The following ASPSCR1 variants were observed in gnomAD, a reference collection of about 807,000 sequenced individuals.
ASPSCR1 encodes tether containing UBX domain for GLUT4.
ASPSCR1 carries 55 observed loss-of-function variants against 68.9 expected under a neutral mutation model. The observed-to-expected ratio is 0.80, with a 90% CI of 0.64 to 1.00. The LOEUF is 1.00. Ranked by LOEUF, ASPSCR1 falls within the 50% of genes least tolerant of loss-of-function variation. The pLI, the probability that ASPSCR1 is intolerant of heterozygous loss-of-function variation, is 0.00. For synonymous variants in ASPSCR1, 352 were observed against 332.6 expected, an observed-to-expected ratio of 1.06 and a Z score of -0.63; for missense variants, 765 against 762.2, an observed-to-expected ratio of 1.00 and a Z score of -0.04.
chr17:82,015,208 G>T (rs1400501657), intron 12 of ASPSCR1: 6 of 1,598,248 alleles, frequency 3.8e-6, no homozygotes, highest in Non-Finnish European at 4.2e-6. Context: ...CTTCTTTTTT[G>T]GGGTCCATCC....
At chr17:82,016,668 C>T in intron 13 of ASPSCR1, 132 bp from the exon 14 acceptor site, 2 of 1,441,628 alleles carry the variant, frequency 1.4e-6, no homozygotes, top group Admixed American at 2.0e-5. Context: ...TAACCACCTC[C>T]CCGAGAGAGG....
chr17:81,978,650 G>C (rs1238642300), intron 1 of ASPSCR1: 1 of 156,182 alleles, frequency 6.4e-6, no homozygotes, highest in Non-Finnish European at 1.4e-5. Context: ...GCCTGGGCAG[G>C]TGGAGGGCGC....
chr17:82,008,819 T>TC (rs2042811665), intron 7 of ASPSCR1: 9 of 533,744 alleles, frequency 1.7e-5, no homozygotes, highest in Admixed American at 7.9e-5. Context: ...GAGGGGGGTC[T>TC]CCAGCCCTGG....
At chr17:82,010,521 TC>T (rs1187768676) in intron 9 of ASPSCR1, among the ~76,000 whole-genome samples, 2 of 118,590 alleles carry the variant, frequency 1.7e-5, no homozygotes, top group East Asian at 2.6e-4. Context: ...AGAGTGAGAC[TC>T]CATCTCAAAA....
chr17:81,992,094 G>A (rs900264874), intron 4 of ASPSCR1, among the ~76,000 whole-genome samples: 2 of 152,232 alleles, frequency 1.3e-5, no homozygotes, highest in African/African-American at 2.4e-5. Flanking sequence ...ACCCTGCTGC[G>A]AGCAGGCACC....
chr17:82,011,971 G>C, intron 11 of ASPSCR1: 1 of 621,634 alleles, frequency 1.6e-6, no homozygotes. Flanking sequence ...TGTCTAGGTG[G>C]CAAAGGGTTA....
intron 9 of ASPSCR1, chr17:82,010,110 T>G: frequency 6.6e-6 from 2 of 303,960 alleles, no homozygotes; most frequent in East Asian, 1.4e-4. Flanking sequence ...TTACTAGAGA[T>G]GGAGTTTTAC....
Position 81,983,651 on chromosome 17 carries a change from G to A in ASPSCR1, c.256G>A (p.Glu86Lys), listed in dbSNP as rs540887976. Residue 86 changes from glutamate (E) to lysine (K), a missense_variant, in exon 3 of 16, where the codon GAG (glutamate) becomes AAG (lysine). Physicochemically the swap from Glu to Lys is moderately conservative, Grantham distance 56. Coordinates refer to ENST00000306739, the MANE Select transcript of ASPSCR1 (RefSeq NM_024083.4). The surrounding 1 kb of genome is among the most constrained non-coding windows in gnomAD (Gnocchi z 4.4). ...LEMVPASRSR[E>K]GPENMVRIAL... is the part of the protein sequence containing the mutation. ...GATGGTGCCCGCTTCCCGGAGCCGT[G>A]AGGGGCCTGAGAACATGGTGGGTCG... 4.3e-6 allele frequency: 7 copies of A among 1,612,270 alleles called. No individual in the cohort carries two copies. In the South Asian group the frequency reaches 5.5e-5, roughly 13 times the overall value.
At chr17:81,982,655 G>C (rs964588007) in intron 2 of ASPSCR1, 3 of 152,324 alleles carry the variant, frequency 2.0e-5, no homozygotes, top group East Asian at 1.9e-4. Flanking sequence ...AGTTGTCTCC[G>C]ACAGCAGCTT....
At chr17:82,016,274 G>A (rs2043121839) in intron 12 of ASPSCR1, 4 of 594,440 alleles carry the variant, frequency 6.7e-6, no homozygotes, top group East Asian at 2.8e-5. Flanking sequence ...CATGGAGGGC[G>A]CTGGTCCCAG....
chr17:81,995,233 T>G, intron 5 of ASPSCR1: 3 of 381,288 alleles, frequency 7.9e-6, no homozygotes, highest in African/African-American at 2.1e-5. Flanking sequence ...CGCTCGTCCC[T>G]GGCCTCACAG....
chr17:82,010,442 A>G (rs934219353), intron 9 of ASPSCR1, among the ~76,000 whole-genome samples: 5 of 149,166 alleles, frequency 3.4e-5, no homozygotes, highest in African/African-American at 1.2e-4. Context: ...GGCAGGAGAA[A>G]GGCGTGAACC....
At position 82,017,378 on chromosome 17, in the gene ASPSCR1, G is replaced by C; in HGVS notation, c.*56G>C. 1 of 1,610,978 alleles carries C rather than the reference G, an allele frequency of 6.2e-7. No homozygotes were observed. The highest frequency in any genetic ancestry group is 8.5e-7 in the Non-Finnish European group (1 of 1,179,100). Reference sequence around the variant, plus strand: ...AGCCACAGGACCACCTCCTCTGCCAGCAGGAATAAAGACTTGTGCATCCCT... The same window carrying C: ...AGCCACAGGACCACCTCCTCTGCCACCAGGAATAAAGACTTGTGCATCCCT... On this transcript the variant is annotated 3_prime_UTR_variant, in exon 16 of 16. Transcript: ENST00000306739.
intron 10 of ASPSCR1, among the ~76,000 whole-genome samples, chr17:82,011,340 C>T (rs1400761683): frequency 1.3e-5 from 2 of 152,056 alleles, no homozygotes; most frequent in African/African-American, 4.8e-5. Context: ...TGGGAGTGCT[C>T]TCCAGCAGGG....
At chr17:81,979,683 C>G (rs1359171336) in intron 2 of ASPSCR1, among the ~76,000 whole-genome samples, 3 of 152,168 alleles carry the variant, frequency 2.0e-5, no homozygotes, top group Non-Finnish European at 4.4e-5. Context: ...ACCATTCAAC[C>G]CCCTGTAGGT....
At chr17:82,015,470 C>T in intron 12 of ASPSCR1, 2 of 1,354,042 alleles carry the variant, frequency 1.5e-6, no homozygotes, top group South Asian at 2.9e-5. Context: ...GTCCTGCCCG[C>T]CCCTTTCTGT....
rs1318773877 is a variant in ASPSCR1, at chr17:82,016,966, C to T, written c.1501C>T (p.Pro501Ser). ...ARYMSRAAGSPSPLPAPDPAP... is the reference protein window; with the variant it reads ...ARYMSRAAGSSSPLPAPDPAP... ...GTACATGTCCAGGGCCGCCGGGTCC[C>T]CTTCCCCATTGCCAGCCCCTGACCC... The change falls in exon 15 of 16, where the codon CCT becomes TCT. Residue 501 changes from proline to serine, a missense_variant. Transcript: ENST00000306739. The T allele has an allele frequency of 1.9e-6, 3 of 1,611,742 alleles. No individual in the cohort carries two copies. In the African/African-American group the frequency reaches 4.0e-5, roughly 22 times the overall value.
intron 7 of ASPSCR1, among the ~76,000 whole-genome samples, chr17:82,000,021 G>A (rs2042476685): frequency 6.6e-6 from 1 of 152,198 alleles, no homozygotes; most frequent in Non-Finnish European, 1.5e-5. Flanking sequence ...TCCTCCCTCT[G>A]GGAACTCTGC....
chr17:81,984,783 CCA>C (rs1462186659), intron 3 of ASPSCR1, among the ~76,000 whole-genome samples: 8 of 150,916 alleles, frequency 5.3e-5, no homozygotes, highest in Non-Finnish European at 1.2e-4. Flanking sequence ...CCACACACAC[CCA>C]CACACACCCC....
Sources: allele counts gnomAD v4.1 joint callset (sites outside exome capture counted in the v4.1 genomes callset), GRCh38; gene constraint gnomAD v4.1.1; non-coding constraint Gnocchi (gnomAD v3.1); transcripts MANE v1.5; gene names NCBI Gene and HGNC (gene_info 2026-07-23, HGNC 2026-07-21).